The following TET2 variants were observed in gnomAD, a reference collection of about 807,000 sequenced individuals.
TET2 encodes the protein tet methylcytosine dioxygenase 2.
In TET2, 299 loss-of-function variants were observed where a neutral mutation model predicts 142.9. The observed-to-expected ratio is 2.09, with a 90% CI of 1.90 to 2.30. The LOEUF is 2.30. TET2 is among the 30% of genes most tolerant of loss of function. The probability of loss-of-function intolerance (pLI) is 0.00; values close to 1 mark genes in which losing one functional copy is unlikely to be tolerated. For synonymous variants in TET2, 819 were observed against 849.0 expected (o/e 0.96, Z 0.61); for missense variants, 2,418 against 2,378.0 (o/e 1.02, Z -0.35).
At chr4:105,267,110 ACT>A (rs1170756399) in intron 8 of TET2, among the ~76,000 whole-genome samples, 5 of 151,978 alleles carry the variant, frequency 3.3e-5, no homozygotes, top group Admixed American at 1.3e-4. Context: ...AAGAAAAAAG[ACT>A]CTCCACCCAG....
At chr4:105,154,299 CTGT>C (rs1286897850) in intron 1 of TET2, among the ~76,000 whole-genome samples, 4 of 152,166 alleles carry the variant, frequency 2.6e-5, no homozygotes, top group Admixed American at 6.5e-5. Flanking sequence ...TTTCAAAAAG[CTGT>C]TGTTATAAAA....
intron 2 of TET2, among the ~76,000 whole-genome samples, chr4:105,211,976 G>A (rs1727191008): frequency 6.6e-6 from 1 of 152,070 alleles, no homozygotes; most frequent in Non-Finnish European, 1.5e-5. Flanking sequence ...ATTCCTTATG[G>A]CCACCTCATA....
chr4:105,272,652 C>T lies in TET2; in HGVS notation c.4271C>T (p.Ser1424Phe), dbSNP rs1578736066. The part of the protein sequence containing the change: ...QLHVLPLYKV[S>F]DVDEFGSVEA... The stretch of plus-strand genomic sequence containing the variant: ...CACGTTCTGCCTTTATACAAAGTCT[C>T]TGACGTGGATGAGTTTGGGAGTGTG... Residue 1424 changes from serine to phenylalanine, a missense_variant, in exon 10 of 11, where the codon TCT becomes TTT. Ser to Phe is a radical substitution (Grantham distance 155, BLOSUM62 -2). Coordinates refer to ENST00000380013, the MANE Select transcript of TET2 (RefSeq NM_001127208.3). 6.4e-7 allele frequency: 1 copy of T among 1,551,708 alleles called. No homozygotes were observed. Among genetic ancestry groups the T allele is most frequent in the Non-Finnish European group, 8.7e-7 (1 of 1,146,976 alleles).
chr4:105,236,715 G>C lies in TET2; in HGVS notation c.2773G>C (p.Ala925Pro). 1 of 1,614,108 alleles carries C rather than the reference G, an allele frequency of 6.2e-7. No homozygotes were observed. Among genetic ancestry groups the C allele is most frequent in the Non-Finnish European group, 8.5e-7 (1 of 1,180,016 alleles). The change falls in exon 3 of 11, where the codon GCA becomes CCA. Residue 925 changes from alanine to proline, a missense_variant. Ala to Pro is a conservative substitution (Grantham distance 27, BLOSUM62 -1). Coordinates refer to ENST00000380013, the MANE Select transcript of TET2 (RefSeq NM_001127208.3). ...AQQRYLIHNHANVFPVPDQGG... is the reference protein window; with the variant it reads ...AQQRYLIHNHPNVFPVPDQGG... ...GCAAAGGTACTTGATACATAACCAT[G>C]CAAATGTTTTTCCTGTGCCTGACCA...
chr4:105,236,516 G>T lies in TET2; in HGVS notation c.2574G>T (p.Lys858Asn), dbSNP rs1578677662. 1 of 1,614,070 alleles carries T rather than the reference G, an allele frequency of 6.2e-7. No homozygotes were observed. The highest frequency in any genetic ancestry group is 8.5e-7 in the Non-Finnish European group (1 of 1,180,004). The part of the protein sequence containing the change: ...TTHPELFAGN[K>N]TQNLHHMQYF... Reference sequence around the variant, plus strand: ...ATCCTGAACTTTTTGCAGGAAACAAGACCCAAAACTTGCATCACATGCAAT... The same window carrying T: ...ATCCTGAACTTTTTGCAGGAAACAATACCCAAAACTTGCATCACATGCAAT... The change falls in exon 3 of 11, where the codon AAG (lysine) becomes AAT (asparagine). Residue 858 changes from lysine (K) to asparagine (N), a missense_variant. Lys to Asn is a moderately conservative substitution (Grantham distance 94, BLOSUM62 0). Coordinates refer to ENST00000380013, the MANE Select transcript of TET2 (RefSeq NM_001127208.3).
In TET2 at chr4:105,226,683, G is replaced by A. The variant is rs533904012; in HGVS notation, c.-46-7214G>A. Among the ~76,000 whole-genome samples the A allele has an allele frequency of 5.3e-5, 8 of 151,030 alleles. No individual in the cohort carries two copies. In the South Asian group the frequency reaches 1.7e-3, roughly 32 times the overall value. On this transcript the variant is annotated intron_variant, in intron 2 of 10. Transcript: ENST00000380013. ...TCTCTTTTTCTCCCACTCCAGCCAT[G>A]TTAGATGCCTGCTCCCCTTTTGCTT...
chr4:105,215,359 G>A (rs1286128345), intron 2 of TET2, among the ~76,000 whole-genome samples: 3 of 152,038 alleles, frequency 2.0e-5, no homozygotes, highest in African/African-American at 7.2e-5. Context: ...ACAATCACTT[G>A]TCAGACCATG....
intron 1 of TET2, among the ~76,000 whole-genome samples, chr4:105,147,231 A>G (rs989877715): frequency 6.6e-6 from 1 of 152,266 alleles, no homozygotes; most frequent in Admixed American, 6.5e-5. Context: ...CTCATCTCCC[A>G]GAAAACTTAC....
chr4:105,251,445 G>A (rs1729862824), intron 6 of TET2, among the ~76,000 whole-genome samples: 1 of 152,132 alleles, frequency 6.6e-6, no homozygotes, highest in Non-Finnish European at 1.5e-5. Context: ...TCACGAAAGG[G>A]TGTTGAACTT....
At chr4:105,193,977 A>G (rs544706528) in intron 2 of TET2, among the ~76,000 whole-genome samples, 35 of 152,326 alleles carry the variant, frequency 2.3e-4, no homozygotes, top group African/African-American at 8.2e-4. Flanking sequence ...ATTTGGAACC[A>G]TTAGACATCA....
rs1283023309 is a variant in TET2 at position 105,275,404 on chromosome 4, C to G, written c.4894C>G (p.Gln1632Glu). 1 of 1,551,618 alleles carries G rather than the reference C, an allele frequency of 6.4e-7. No homozygotes were observed. The highest frequency in any genetic ancestry group is 8.7e-7 in the Non-Finnish European group (1 of 1,146,976). ...LNQNTQYPSY[Q>E]CNGNLSVDNC... ...TCAGAATACCCAATATCCATCATAT[C>G]AATGCAATGGAAACCTATCAGTGGA... is the stretch of plus-strand genomic sequence containing the variant. The change falls in exon 11 of 11, where the codon CAA becomes GAA. Residue 1632 changes from glutamine to glutamate, a missense_variant. Coordinates refer to ENST00000380013, the MANE Select transcript of TET2 (RefSeq NM_001127208.3).
chr4:105,272,594 G>T lies in TET2; in HGVS notation c.4213G>T (p.Glu1405Ter). ...VCTLTREDNR[E>*]FGGKPEDEQL... is the part of the protein sequence containing the mutation. Reference sequence around the variant, plus strand: ...CACTCTCACTAGAGAAGACAATCGAGAATTTGGAGGAAAACCTGAGGATGA... The same window carrying T: ...CACTCTCACTAGAGAAGACAATCGATAATTTGGAGGAAAACCTGAGGATGA... Residue 1405 changes from glutamate (E) to a stop codon, truncating the protein, a stop_gained, in exon 10 of 11, where the codon GAA becomes TAA. Transcript: ENST00000380013. LOFTEE classifies it high-confidence loss of function. 2 of 1,546,194 alleles carry T rather than the reference G, an allele frequency of 1.3e-6. No individual in the cohort carries two copies. Among genetic ancestry groups the T allele is most frequent in the South Asian group, 1.2e-5 (1 of 83,018 alleles).
chr4:105,188,988 T>C (rs546460117), intron 1 of TET2, among the ~76,000 whole-genome samples: 2 of 152,256 alleles, frequency 1.3e-5, no homozygotes, highest in Non-Finnish European at 2.9e-5. Flanking sequence ...TAAAACCCAC[T>C]GACTCATATA....
chr4:105,160,955 T>G (rs988416170), intron 1 of TET2, among the ~76,000 whole-genome samples: 1 of 152,162 alleles, frequency 6.6e-6, no homozygotes, highest in Non-Finnish European at 1.5e-5. Flanking sequence ...TTTGTATTTT[T>G]AGTAGAGGCG....
At chr4:105,156,974 TATCTC>T (rs1723598885) in intron 1 of TET2, among the ~76,000 whole-genome samples, 1 of 152,230 alleles carries the variant, frequency 6.6e-6, no homozygotes, top group African/African-American at 2.4e-5. Context: ...GCTGTAAAGT[TATCTC>T]AGCTCTTTTA....
chr4:105,239,700 T>A (rs1409757287), intron 3 of TET2: 1 of 232,884 alleles, frequency 4.3e-6, no homozygotes, highest in East Asian at 6.2e-5. Flanking sequence ...TTCTTACCTT[T>A]CATGTGTTCA....
chr4:105,157,577 C>T (rs954371029), intron 1 of TET2, among the ~76,000 whole-genome samples: 1 of 152,184 alleles, frequency 6.6e-6, no homozygotes, highest in African/African-American at 2.4e-5. Context: ...GCTGTTGGCT[C>T]ACCTTATTAA....
At chr4:105,260,715 A>G (rs1472480006) in intron 7 of TET2, among the ~76,000 whole-genome samples, 2 of 152,186 alleles carry the variant, frequency 1.3e-5, no homozygotes, top group Non-Finnish European at 2.9e-5. Context: ...CACAGTTAAT[A>G]AAGCAAGTGC....
At chr4:105,151,442 A>G (rs1723294555) in intron 1 of TET2, among the ~76,000 whole-genome samples, 1 of 151,466 alleles carries the variant, frequency 6.6e-6, no homozygotes, top group South Asian at 2.1e-4. Context: ...GAAGAAACAG[A>G]TAGTAGGTGG....
Sources: gnomAD v4.1 joint callset for allele counts (sites outside exome capture counted in the v4.1 genomes callset) on GRCh38, gnomAD v4.1.1 for gene constraint, MANE v1.5 for transcripts, NCBI Gene and HGNC (gene_info 2026-07-23, HGNC 2026-07-21) for gene names.